Variants in AMBRA1 observed in about 807,000 individuals in gnomAD.
The protein encoded by AMBRA1 is autophagy and beclin 1 regulator 1.
In AMBRA1, 47 loss-of-function variants were observed where a neutral mutation model predicts 125.4. That is an observed-to-expected ratio of 0.37 (90% CI 0.30 to 0.48). The LOEUF (loss-of-function observed/expected upper bound fraction) is 0.48, where lower values mean the gene tolerates loss of function less well. Among genes scored for constraint, AMBRA1 ranks in the 20% least tolerant of loss-of-function variants. The pLI, the probability that AMBRA1 is intolerant of heterozygous loss-of-function variation, is 0.99. For missense variants in AMBRA1, 1,331 were observed against 1,693.4 expected, an observed-to-expected ratio of 0.79 and a Z score of 3.76; for synonymous variants, 626 against 655.5, an observed-to-expected ratio of 0.95 and a Z score of 0.69.
At chr11:46,486,899 C>T (rs1382467826) in intron 11 of AMBRA1, among the ~76,000 whole-genome samples, 1 of 147,620 alleles carries the variant, frequency 6.8e-6, no homozygotes, top group South Asian at 2.2e-4. Context: ...GAACAAGACT[C>T]CATCTCAACA....
intron 7 of AMBRA1, among the ~76,000 whole-genome samples, chr11:46,523,583 G>C (rs1591026026): frequency 6.6e-6 from 1 of 152,210 alleles, no homozygotes; most frequent in Non-Finnish European, 1.5e-5. Context: ...ATAATCAGAA[G>C]ATGTAAATTG....
intron 1 of AMBRA1, among the ~76,000 whole-genome samples, chr11:46,573,822 C>G (rs1448432257): frequency 8.3e-6 from 1 of 121,106 alleles, no homozygotes; most frequent in Non-Finnish European, 1.7e-5. Context: ...CCCCTCCCCC[C>G]ACCCCACCAC....
chr11:46,474,668 G>A (rs1590899867), intron 11 of AMBRA1, among the ~76,000 whole-genome samples: 2 of 152,278 alleles, frequency 1.3e-5, no homozygotes, highest in South Asian at 4.1e-4. Flanking sequence ...GATTACAAGC[G>A]TAAGCCACGG....
chr11:46,417,807 T>C, intron 15 of AMBRA1, 106 bp downstream of exon 15: 1 of 1,373,234 alleles, frequency 7.3e-7, no homozygotes, highest in Non-Finnish European at 9.8e-7. Context: ...AGGCAGGCTC[T>C]AGATGGATTG....
rs370631116 is a variant in AMBRA1, at chr11:46,508,180, T to C, written c.2339+11A>G. The C allele has an allele frequency of 3.4e-5, 55 of 1,613,740 alleles. No individual in the cohort carries two copies. Among genetic ancestry groups the C allele is most frequent in the African/African-American group, 2.4e-4 (18 of 74,904 alleles). On this transcript the variant is annotated intron_variant, in intron 9 of 17. Coordinates refer to ENST00000683756, the MANE Select transcript of AMBRA1 (RefSeq NM_001387011.1). ...AGGAGAGGGAAGAAAGCAAGCTGAG[T>C]ATGTACTTACTCAAAGTCCTCAAAT...
intron 1 of AMBRA1, among the ~76,000 whole-genome samples, chr11:46,555,898 G>C (rs1185166623): frequency 1.3e-5 from 2 of 152,198 alleles, no homozygotes; most frequent in Admixed American, 1.3e-4. Flanking sequence ...TTATTTATTT[G>C]AGTAACTGCA....
intron 11 of AMBRA1, among the ~76,000 whole-genome samples, chr11:46,472,273 CT>C (rs1369041171): frequency 1.3e-5 from 2 of 152,190 alleles, no homozygotes; most frequent in Non-Finnish European, 2.9e-5. Context: ...GAGATGGATC[CT>C]TTTCAGCCAC....
chr11:46,397,547 G>T lies in AMBRA1; in HGVS notation c.3800C>A (p.Thr1267Asn), dbSNP rs764361329. The T allele has an allele frequency of 4.5e-6, 7 of 1,560,526 alleles. No individual in the cohort carries two copies. The highest frequency in any genetic ancestry group is 6.1e-6 in the Non-Finnish European group (7 of 1,150,950). Residue 1267 changes from threonine to asparagine, a missense_variant, in exon 18 of 18, where the codon ACC becomes AAC. Physicochemically the swap from Thr to Asn is moderately conservative, Grantham distance 65. Transcript: ENST00000683756. The part of the protein sequence containing the change: ...PVSLPSAEGP[T>N]LHCELTNNNH... The stretch of plus-strand genomic sequence containing the variant: ...GTTATTGGTCAACTCGCAGTGGAGG[G>T]TTGGTCCCTCAGCGCTGGGAAGGGA...
intron 1 of AMBRA1, among the ~76,000 whole-genome samples, chr11:46,558,013 G>A (rs931679963): frequency 3.9e-5 from 6 of 152,066 alleles, no homozygotes; most frequent in Admixed American, 2.6e-4. Context: ...GAGAAGCCAC[G>A]TGGAAGACTA....
At chr11:46,435,706 C>A (rs912662568) in intron 12 of AMBRA1, among the ~76,000 whole-genome samples, 1 of 152,218 alleles carries the variant, frequency 6.6e-6, no homozygotes, top group Non-Finnish European at 1.5e-5. Context: ...ATGTCCATGA[C>A]AGCCCTAGTC....
At chr11:46,573,549 A>C (rs1248190890) in intron 1 of AMBRA1, among the ~76,000 whole-genome samples, 1 of 152,060 alleles carries the variant, frequency 6.6e-6, no homozygotes, top group African/African-American at 2.4e-5. Context: ...ACTGGCAGTT[A>C]TGTAATTTAG....
chr11:46,585,696 ATATATATATATAT>A (rs1472982737), intron 1 of AMBRA1, among the ~76,000 whole-genome samples: 179 of 16,110 alleles, frequency 0.011, 5 homozygotes, highest in Non-Finnish European at 0.018. Context: ...AAAAAAAAAA[ATATATATATATAT>A]ATATATATAT....
chr11:46,557,276 G>C (rs1207327444), intron 1 of AMBRA1, among the ~76,000 whole-genome samples: 29 of 149,914 alleles, frequency 1.9e-4, no homozygotes, highest in Non-Finnish European at 3.4e-4. Flanking sequence ...ACTCCAGCCT[G>C]GGGGAGAGAG....
chr11:46,485,605 C>G (rs977078368), intron 11 of AMBRA1, among the ~76,000 whole-genome samples: 1 of 152,056 alleles, frequency 6.6e-6, no homozygotes, highest in South Asian at 2.1e-4. Flanking sequence ...TTTGTAATAC[C>G]CAAAGTGTTC....
chr11:46,465,602 G>C (rs997025394), intron 11 of AMBRA1, among the ~76,000 whole-genome samples: 2 of 152,186 alleles, frequency 1.3e-5, no homozygotes, highest in Non-Finnish European at 2.9e-5. Context: ...TAGGGAACAT[G>C]CAAAGCCAGG....
At chr11:46,410,421 AAG>A in intron 15 of AMBRA1, 53 bp from the exon 16 acceptor site, 1 of 1,491,488 alleles carries the variant, frequency 6.7e-7, no homozygotes, top group Non-Finnish European at 9.4e-7. Context: ...TTAGAGAGGG[AAG>A]GATAAGAGCT....
chr11:46,441,308 G>T (rs1947990726), intron 12 of AMBRA1, among the ~76,000 whole-genome samples: 1 of 152,196 alleles, frequency 6.6e-6, no homozygotes, highest in Non-Finnish European at 1.5e-5. Context: ...GAGGTCAGGA[G>T]TTCGAGACCA....
chr11:46,492,054 T>C (rs1412906134), intron 11 of AMBRA1, among the ~76,000 whole-genome samples: 1 of 152,182 alleles, frequency 6.6e-6, no homozygotes, highest in Non-Finnish European at 1.5e-5. Flanking sequence ...CAAGTTATTA[T>C]CTGCCAGTGA....
chr11:46,589,054 A>T (rs1229582722), intron 1 of AMBRA1, among the ~76,000 whole-genome samples: 1 of 152,224 alleles, frequency 6.6e-6, no homozygotes, highest in Non-Finnish European at 1.5e-5. Context: ...AATAAAGGAC[A>T]TTAACCTTCC....
Sources: gnomAD v4.1 joint callset for allele counts (sites outside exome capture counted in the v4.1 genomes callset) on GRCh38, gnomAD v4.1.1 for gene constraint, MANE v1.5 for transcripts, NCBI Gene and HGNC (gene_info 2026-07-23, HGNC 2026-07-21) for gene names.